The following TMX4 variants were observed in gnomAD, a reference collection of about 807,000 sequenced individuals.
TMX4 encodes the protein thioredoxin-related transmembrane protein 4.
In TMX4, 23 loss-of-function variants were observed where a neutral mutation model predicts 33.3. The ratio of observed to expected loss-of-function variants is 0.69; its 90% CI spans 0.50 to 0.98. The LOEUF (loss-of-function observed/expected upper bound fraction) is 0.98. Among genes scored for constraint, TMX4 ranks in the 50% least tolerant of loss-of-function variants. The pLI is 0.00. For synonymous variants in TMX4, 164 were observed against 161.5 expected (o/e 1.02, Z -0.12); for missense variants, 399 against 448.9 (o/e 0.89, Z 1.01).
chr20:7,988,168 A>G (rs1600140661), intron 5 of TMX4, among the ~76,000 whole-genome samples: 2 of 152,234 alleles, frequency 1.3e-5, no homozygotes, highest in Non-Finnish European at 2.9e-5. Context: ...ATGCTTCCTC[A>G]CAATCACTTA....
At chr20:7,991,859 G>T (rs1160969201) in intron 5 of TMX4, among the ~76,000 whole-genome samples, 3 of 152,046 alleles carry the variant, frequency 2.0e-5, no homozygotes, top group African/African-American at 7.2e-5. Context: ...GGATTCAGGG[G>T]CCTACACATA....
intron 5 of TMX4, among the ~76,000 whole-genome samples, chr20:7,990,967 T>C (rs2050651997): frequency 6.6e-6 from 1 of 152,164 alleles, no homozygotes; most frequent in African/African-American, 2.4e-5. Flanking sequence ...TACAAAACAT[T>C]CTAAACATTT....
At position 7,996,115 on chromosome 20, in the gene TMX4, TA is replaced by T. The variant is rs541214397; in HGVS notation, c.468-45del. ...GAAGAAACAGTGATCATATATACTA[TA>T]AAAAAAAAATGAAAATCAGGTCAGG... On this transcript the variant is annotated intron_variant, in intron 4 of 7. Transcript: ENST00000246024. The T allele has an allele frequency of 9.5e-3, 12,684 of 1,336,324 alleles. 51 individuals are homozygous for T. The highest frequency in any genetic ancestry group is 0.029 in the African/African-American group (1,930 of 66,682). 82.8% of individuals were successfully genotyped at this position (1,336,324 alleles called of 1,614,324 possible).
intron 5 of TMX4, among the ~76,000 whole-genome samples, chr20:7,990,219 C>T (rs181214292): frequency 1.5e-3 from 233 of 151,702 alleles, no homozygotes; most frequent in Middle Eastern, 0.01. Context: ...TGCTTGAACA[C>T]GGTAGGCGGA....
intron 2 of TMX4, among the ~76,000 whole-genome samples, chr20:8,004,709 G>T (rs2050720722): frequency 6.6e-6 from 1 of 152,102 alleles, no homozygotes; most frequent in Non-Finnish European, 1.5e-5. Context: ...AAACACAACA[G>T]AAATTATTTA....
At chr20:7,991,085 T>A (rs2050652655) in intron 5 of TMX4, among the ~76,000 whole-genome samples, 1 of 152,248 alleles carries the variant, frequency 6.6e-6, no homozygotes, top group African/African-American at 2.4e-5. Context: ...TTCATGGCTT[T>A]TAATTCTCAT....
chr20:7,989,410 C>T (rs1043682761), intron 5 of TMX4, among the ~76,000 whole-genome samples: 2 of 152,094 alleles, frequency 1.3e-5, no homozygotes, highest in African/African-American at 4.8e-5. Context: ...ATGATTAATG[C>T]AACTCTCAAG....
At chr20:7,997,124 T>C (rs1193382617) in intron 4 of TMX4, among the ~76,000 whole-genome samples, 1 of 152,186 alleles carries the variant, frequency 6.6e-6, no homozygotes, top group Non-Finnish European at 1.5e-5. Flanking sequence ...GTACTCATTT[T>C]CAGTTTCCTT....
rs1294794443 is a variant in TMX4, at chr20:8,010,222, C to T, written c.270G>A (p.Lys90=). 1.2e-6 allele frequency: 2 copies of T among 1,609,554 alleles called. No homozygotes were observed. The highest frequency in any genetic ancestry group is 1.1e-5 in the South Asian group (1 of 90,736). Residue 90 remains lysine (K), a synonymous_variant, in exon 2 of 8, where the codon AAG becomes AAA. Transcript: ENST00000246024. The part of the protein sequence containing the change: ...NGEILQISVG[K]VDVIQEPGLS... ...TACCTGGTTCTTGAATGACATCTAC[C>T]TTCCCCACACTGATCTGAAGTATTT... is the stretch of plus-strand genomic sequence containing the variant.
intron 1 of TMX4, among the ~76,000 whole-genome samples, chr20:8,013,471 G>C (rs2050761063): frequency 6.6e-6 from 1 of 152,126 alleles, no homozygotes. Flanking sequence ...TAGCCAAAAA[G>C]CTCTGGTAAA....
chr20:7,988,434 TG>T (rs1188312697), intron 5 of TMX4, among the ~76,000 whole-genome samples: 1 of 152,238 alleles, frequency 6.6e-6, no homozygotes, highest in Non-Finnish European at 1.5e-5. Flanking sequence ...TGGCTTAATT[TG>T]GAATGATAAA....
intron 1 of TMX4, among the ~76,000 whole-genome samples, chr20:8,014,668 G>A (rs2050765453): frequency 6.6e-6 from 1 of 152,198 alleles, no homozygotes; most frequent in Admixed American, 6.5e-5. Context: ...AATTTTCCTG[G>A]GGCATTGCGA....
intron 4 of TMX4, among the ~76,000 whole-genome samples, chr20:7,997,863 GAA>G (rs1321585800): frequency 6.6e-6 from 1 of 152,176 alleles, no homozygotes; most frequent in East Asian, 1.9e-4. Flanking sequence ...GGGTCTGGTG[GAA>G]AGAGAGTGGA....
At chr20:8,013,382 CT>C (rs1318604694) in intron 1 of TMX4, among the ~76,000 whole-genome samples, 1 of 152,124 alleles carries the variant, frequency 6.6e-6, no homozygotes, top group African/African-American at 2.4e-5. Context: ...TTCTACTGAA[CT>C]TTTGTTGACT....
At chr20:8,012,287 C>T (rs2050756110) in intron 1 of TMX4, among the ~76,000 whole-genome samples, 1 of 152,038 alleles carries the variant, frequency 6.6e-6, no homozygotes, top group African/African-American at 2.4e-5. Context: ...CAGTAGCTAC[C>T]TTAGGTTACT....
chr20:7,999,717 A>T lies in TMX4; in HGVS notation c.467+15T>A, dbSNP rs1443205367. The T allele has an allele frequency of 1.2e-6, 2 of 1,606,646 alleles. No homozygotes were observed. Among genetic ancestry groups the T allele is most frequent in the Non-Finnish European group, 1.7e-6 (2 of 1,177,880 alleles). On this transcript the variant is annotated intron_variant, in intron 4 of 7. Transcript: ENST00000246024. ...TGTTTTATTAGTAACACCTTGTCTT[A>T]AAAAATTGAGTTACGTTAGAGAAGC...
At chr20:7,985,359 G>A (rs1286071319) in intron 6 of TMX4, among the ~76,000 whole-genome samples, 1 of 149,692 alleles carries the variant, frequency 6.7e-6, no homozygotes, top group African/African-American at 2.5e-5. Flanking sequence ...CAGCAGCCTC[G>A]AACTCCTGGG....
At chr20:8,000,603 T>G (rs1008121200) in intron 3 of TMX4, among the ~76,000 whole-genome samples, 2 of 152,164 alleles carry the variant, frequency 1.3e-5, no homozygotes, top group Non-Finnish European at 2.9e-5. Flanking sequence ...TCCATTTCCT[T>G]CACTCACTGT....
intron 3 of TMX4, 69 bp downstream of exon 3, chr20:8,001,427 A>G: frequency 6.8e-7 from 1 of 1,470,558 alleles, no homozygotes; most frequent in Non-Finnish European, 9.3e-7. Flanking sequence ...ATGGAAGACA[A>G]CTTAGAATTC....
Sources: allele counts gnomAD v4.1 joint callset (sites outside exome capture counted in the v4.1 genomes callset), GRCh38; gene constraint gnomAD v4.1.1; transcripts MANE v1.5; gene names NCBI Gene and HGNC (gene_info 2026-07-23, HGNC 2026-07-21).